PDXDC1: variants seen among roughly 807,000 people sequenced by gnomAD.
PDXDC1 encodes pyridoxal dependent decarboxylase domain containing 1.
A neutral mutation model predicts 100.1 loss-of-function variants in PDXDC1; 42 were observed. The ratio of observed to expected loss-of-function variants is 0.42; its 90% CI spans 0.33 to 0.54. The LOEUF is 0.54. Among genes scored for constraint, PDXDC1 ranks in the 20% least tolerant of loss-of-function variants. The pLI, the probability that PDXDC1 is intolerant of heterozygous loss-of-function variation, is 0.10. For missense variants in PDXDC1, 636 were observed against 979.2 expected, an observed-to-expected ratio of 0.65 and a Z score of 4.68; for synonymous variants, 260 against 371.7, an observed-to-expected ratio of 0.70 and a Z score of 3.46.
chr16:15,094,256 T>A (rs763154726), intron 16 of PDXDC1: 8 of 1,544,152 alleles, frequency 5.2e-6, no homozygotes, highest in South Asian at 2.4e-5. Context: ...ACGCGACCGC[T>A]GCGCCTCAGG....
chr16:15,126,096 G>A (rs1271125626), intron 16 of PDXDC1: 9 of 492,050 alleles, frequency 1.8e-5, no homozygotes, highest in East Asian at 7.5e-5. Context: ...GTGCACTGGC[G>A]CAATCTCAGC....
chr16:15,143,525 G>C (rs1351486216), downstream of PDXDC1, among the ~76,000 whole-genome samples: 1 of 152,182 alleles, frequency 6.6e-6, no homozygotes, highest in African/African-American at 2.4e-5. Flanking sequence ...CCCCTCAGGG[G>C]TGTTCCCAGC....
chr16:15,135,595 C>A (rs929796273), intron 16 of PDXDC1: 10 of 1,394,866 alleles, frequency 7.2e-6, no homozygotes, highest in Non-Finnish European at 1.0e-5. Context: ...GTTCTCTGGG[C>A]TCATGGGTGT....
At chr16:15,151,424 CAAA>C in the PDXDC1 span, among the ~76,000 whole-genome samples, 21 of 14,388 alleles carry the variant, frequency 1.5e-3, no homozygotes, top group Non-Finnish European at 2.7e-3. Context: ...GACTCCGTCT[CAAA>C]AAAAAAAAAA....
At chr16:15,019,044 C>T (rs2041989154) in intron 12 of PDXDC1, 79 bp downstream of exon 12, 1 of 1,593,608 alleles carries the variant, frequency 6.3e-7, no homozygotes, top group African/African-American at 1.3e-5. Context: ...TCTGTACCTT[C>T]CATCCAGAGT....
chr16:14,989,099 G>A (rs2151242166), intron 1 of PDXDC1: 1 of 1,614,254 alleles, frequency 6.2e-7, no homozygotes, highest in East Asian at 2.2e-5. Context: ...CAGACGGCCT[G>A]TGGGTGTCAG....
intron 16 of PDXDC1, among the ~76,000 whole-genome samples, chr16:15,058,883 C>A (rs927557916): frequency 1.3e-5 from 2 of 152,150 alleles, no homozygotes; most frequent in Non-Finnish European, 2.9e-5. Flanking sequence ...GATCCTTTTG[C>A]TGGCCTCCCC....
intron 16 of PDXDC1, among the ~76,000 whole-genome samples, chr16:15,123,959 G>A (rs987554465): frequency 6.6e-6 from 1 of 150,558 alleles, no homozygotes; most frequent in Non-Finnish European, 1.5e-5. Context: ...ATCCGAAACC[G>A]AGTGATGATG....
At chr16:14,996,553 G>A (rs1439016157) in intron 1 of PDXDC1, among the ~76,000 whole-genome samples, 44 of 152,378 alleles carry the variant, frequency 2.9e-4, no homozygotes, top group South Asian at 6.2e-4. Flanking sequence ...ATAGAGAAAG[G>A]AAAAGGAAAG....
intron 10 of PDXDC1, 30 bp from the exon 11 acceptor site, chr16:15,017,291 T>A: frequency 1.3e-6 from 2 of 1,592,406 alleles, no homozygotes; most frequent in East Asian, 4.5e-5. Flanking sequence ...ATTCTGATAA[T>A]CTAACAAAGA....
intron 16 of PDXDC1, among the ~76,000 whole-genome samples, chr16:15,054,047 T>C (rs748998768): frequency 1.3e-5 from 2 of 152,236 alleles, no homozygotes; most frequent in Non-Finnish European, 2.9e-5. Flanking sequence ...GTAAGGTTAC[T>C]TTCCATGCTT....
the PDXDC1 span, among the ~76,000 whole-genome samples, chr16:15,146,316 G>A: frequency 6.6e-5 from 10 of 152,160 alleles, no homozygotes; most frequent in Non-Finnish European, 8.8e-5. Context: ...GCCCACCAGC[G>A]ACAGCGCACA....
At chr16:15,102,877 T>C (rs2046610935) in intron 16 of PDXDC1, among the ~76,000 whole-genome samples, 1 of 149,538 alleles carries the variant, frequency 6.7e-6, no homozygotes, top group Non-Finnish European at 1.5e-5. Context: ...AGTTCAAGGC[T>C]AAAGTGAGCT....
Position 15,036,192 on chromosome 16 carries a change from G to A in PDXDC1, c.2284G>A (p.Asp762Asn), listed in dbSNP as rs373465201. ...HPGAPSPQHTDQTEAFQKGVP... is the reference protein window; with the variant it reads ...HPGAPSPQHTNQTEAFQKGVP... The stretch of plus-strand genomic sequence containing the variant: ...AGGGGCTCCCAGCCCTCAGCACACC[G>A]ACCAGACCGAGGCCTTCCAGAAAGG... Residue 762 changes from aspartate to asparagine, a missense_variant, in exon 23 of 23, where the codon GAC becomes AAC. This residue lies in a region of PDXDC1 where 452 missense variants were observed against 402.9 expected (regional missense o/e 1.12). Coordinates refer to ENST00000396410, the MANE Select transcript of PDXDC1 (RefSeq NM_015027.4). 54 of 1,614,006 alleles carry A rather than the reference G, an allele frequency of 3.3e-5. No homozygotes were observed. The highest frequency in any genetic ancestry group is 2.3e-4 in the Admixed American group (14 of 59,998).
chr16:15,108,219 G>A, intron 16 of PDXDC1: 1 of 839,656 alleles, frequency 1.2e-6, no homozygotes, highest in Non-Finnish European at 1.4e-6. Context: ...GGGTAAGTTT[G>A]CTGTGTTGCC....
At chr16:15,051,125 G>C (rs1349998448) in intron 16 of PDXDC1, among the ~76,000 whole-genome samples, 1 of 152,226 alleles carries the variant, frequency 6.6e-6, no homozygotes, top group Non-Finnish European at 1.5e-5. Flanking sequence ...TGTTCTTTGA[G>C]GGAAGGGAAG....
In PDXDC1 at chr16:15,084,686, G is replaced by A. The variant is rs560321963; in HGVS notation, c.1400-54193G>A. ...TTATTTGCAAGGCTCTGTGACATGTGTCAAAATTTGCAGGAAGATCTGAAA... is the reference window on the plus strand; with the variant it reads ...TTATTTGCAAGGCTCTGTGACATGTATCAAAATTTGCAGGAAGATCTGAAA... On this transcript the variant is annotated intron_variant, in intron 16 of 16. Coordinates refer to the PDXDC1 transcript ENST00000535621. 6.8e-5 allele frequency: 110 copies of A among 1,612,962 alleles called. No individual in the cohort carries two copies. The South Asian group carries it at 1.2e-3, about 17-fold the overall frequency.
intron 16 of PDXDC1, chr16:15,130,388 C>T: frequency 6.3e-7 from 1 of 1,579,146 alleles, no homozygotes; most frequent in Non-Finnish European, 8.6e-7. Context: ...CCACGGACAC[C>T]TCCAGCGCCG....
chr16:15,100,656 A>G (rs1446568019), intron 16 of PDXDC1, among the ~76,000 whole-genome samples: 1 of 152,168 alleles, frequency 6.6e-6, no homozygotes, highest in Non-Finnish European at 1.5e-5. Context: ...TCCCTGGGGT[A>G]CAAAACTCTT....
Sources: gnomAD v4.1 joint callset for allele counts (sites outside exome capture counted in the v4.1 genomes callset) on GRCh38, gnomAD v4.1.1 for gene constraint, gnomAD v4.1.1 regional missense constraint, MANE v1.5 for transcripts, NCBI Gene and HGNC (gene_info 2026-07-23, HGNC 2026-07-21) for gene names.